The following ASH1L variants were observed in gnomAD, a reference collection of about 807,000 sequenced individuals.
ASH1L encodes the protein ASH1 like histone lysine methyltransferase, also known as histone-lysine N-methyltransferase ASH1L.
In ASH1L, 23 loss-of-function variants were observed where a neutral mutation model predicts 269.0. The observed-to-expected ratio is 0.09, with a 90% CI of 0.06 to 0.12. The LOEUF is 0.12. ASH1L is among the 10% of genes least tolerant of loss of function. ASH1L has a pLI of 1.00. For synonymous variants in ASH1L, 1,187 were observed against 1,253.5 expected (o/e 0.95, Z 1.12); for missense variants, 2,912 against 3,567.8 (o/e 0.82, Z 4.68).
At chr1:155,541,484 T>A (rs1044464577) in intron 1 of ASH1L, among the ~76,000 whole-genome samples, 1 of 152,030 alleles carries the variant, frequency 6.6e-6, no homozygotes, top group Non-Finnish European at 1.5e-5. Flanking sequence ...ATTATATAAG[T>A]CACTAAAATC....
chr1:155,421,606 G>A (rs953695574), intron 5 of ASH1L, among the ~76,000 whole-genome samples: 12 of 151,464 alleles, frequency 7.9e-5, no homozygotes, highest in African/African-American at 2.9e-4. Flanking sequence ...GGGAGGCAGA[G>A]GTTGCAGTGA....
intron 1 of ASH1L, 163 bp downstream of exon 1, chr1:155,561,990 C>T (rs1478204515): frequency 8.7e-6 from 5 of 575,826 alleles, no homozygotes; most frequent in Non-Finnish European, 1.5e-5. Flanking sequence ...AGGGACTTCC[C>T]GGTAGGCTCA....
At chr1:155,509,803 GATAATAATA>G (rs552179671) in intron 2 of ASH1L, among the ~76,000 whole-genome samples, 1 of 150,990 alleles carries the variant, frequency 6.6e-6, no homozygotes, top group Non-Finnish European at 1.5e-5. Context: ...CATCTCAAAT[GATAATAATA>G]ATAATAATAA....
At chr1:155,560,302 C>G (rs1205518640) in intron 1 of ASH1L, among the ~76,000 whole-genome samples, 1 of 152,038 alleles carries the variant, frequency 6.6e-6, no homozygotes, top group Non-Finnish European at 1.5e-5. Context: ...ATAAGTGACC[C>G]CAAAAAATTT....
chr1:155,441,301 C>T (rs1020626849), intron 4 of ASH1L, among the ~76,000 whole-genome samples: 2 of 151,694 alleles, frequency 1.3e-5, no homozygotes, highest in Non-Finnish European at 2.9e-5. Context: ...ATCTCCACCC[C>T]CCACTCCCAC....
chr1:155,359,893 T>G (rs1654788030), intron 13 of ASH1L, among the ~76,000 whole-genome samples: 1 of 152,032 alleles, frequency 6.6e-6, no homozygotes, highest in East Asian at 1.9e-4. Flanking sequence ...ATATACTTTT[T>G]TTTTTTTTGA....
chr1:155,473,649 A>G (rs1665292227), intron 3 of ASH1L, among the ~76,000 whole-genome samples: 1 of 151,976 alleles, frequency 6.6e-6, no homozygotes, highest in African/African-American at 2.4e-5. Context: ...GGCGTATGCC[A>G]TCATGCCCAG....
intron 5 of ASH1L, among the ~76,000 whole-genome samples, chr1:155,420,902 T>C (rs1660623571): frequency 1.3e-5 from 2 of 150,276 alleles, no homozygotes; most frequent in Non-Finnish European, 3.0e-5. Flanking sequence ...ACATACCATG[T>C]CCATGGATGT....
chr1:155,357,899 T>A (rs894843651), intron 13 of ASH1L, 150 bp from the exon 14 acceptor site: 2 of 700,310 alleles, frequency 2.9e-6, no homozygotes, highest in Non-Finnish European at 4.5e-6. Context: ...GCCTCCCCAG[T>A]AGCTGACATT....
At chr1:155,544,017 T>C (rs1670627194) in intron 1 of ASH1L, among the ~76,000 whole-genome samples, 1 of 152,102 alleles carries the variant, frequency 6.6e-6, no homozygotes, top group Admixed American at 6.6e-5. Flanking sequence ...ACAGGGTCTT[T>C]CGATGTCACC....
chr1:155,341,121 G>A (rs1294531923), intron 25 of ASH1L, among the ~76,000 whole-genome samples: 2 of 150,624 alleles, frequency 1.3e-5, no homozygotes, highest in East Asian at 1.9e-4. Context: ...ACAGGTGCGC[G>A]CCACCACACC....
At chr1:155,390,561 CT>C (rs1210389725) in intron 7 of ASH1L, among the ~76,000 whole-genome samples, 1 of 151,888 alleles carries the variant, frequency 6.6e-6, no homozygotes, top group African/African-American at 2.4e-5. Context: ...CTAAAGACTT[CT>C]GCAGAAAGCT....
At chr1:155,527,806 G>A (rs1404562342) in intron 1 of ASH1L, among the ~76,000 whole-genome samples, 1 of 151,986 alleles carries the variant, frequency 6.6e-6, no homozygotes, top group African/African-American at 2.4e-5. Flanking sequence ...TCAGACTCCC[G>A]AGTAGCTGGG....
At chr1:155,412,127 A>G (rs1659860680) in intron 6 of ASH1L, among the ~76,000 whole-genome samples, 1 of 151,984 alleles carries the variant, frequency 6.6e-6, no homozygotes, top group Non-Finnish European at 1.5e-5. Context: ...CTGTAGTCCC[A>G]GCTACTCAGG....
chr1:155,495,546 CATGA>C (rs377420317), intron 2 of ASH1L, among the ~76,000 whole-genome samples: 10 of 152,232 alleles, frequency 6.6e-5, no homozygotes, highest in Middle Eastern at 3.4e-3. Flanking sequence ...GGGTACTTAT[CATGA>C]ATGGAGCTTG....
chr1:155,448,786 C>T (rs917106890), intron 4 of ASH1L, among the ~76,000 whole-genome samples: 5 of 152,034 alleles, frequency 3.3e-5, no homozygotes, highest in East Asian at 1.9e-4. Context: ...TGAGCAACTG[C>T]GCCCAGCCCA....
intron 7 of ASH1L, among the ~76,000 whole-genome samples, chr1:155,383,089 T>C (rs1373399912): frequency 6.6e-6 from 1 of 152,170 alleles, no homozygotes; most frequent in Non-Finnish European, 1.5e-5. Flanking sequence ...GCTTATAAAA[T>C]AAGGACATAA....
intron 1 of ASH1L, among the ~76,000 whole-genome samples, chr1:155,525,642 G>A (rs1454301929): frequency 6.6e-6 from 1 of 151,928 alleles, no homozygotes; most frequent in Non-Finnish European, 1.5e-5. Flanking sequence ...ACCAACATTT[G>A]GGTAATGGAT....
At chr1:155,361,264 A>C (rs1161188674) in intron 12 of ASH1L, among the ~76,000 whole-genome samples, 1 of 151,924 alleles carries the variant, frequency 6.6e-6, no homozygotes, top group Non-Finnish European at 1.5e-5. Flanking sequence ...CACACCTGTA[A>C]TATCAGCACT....
Sources: gnomAD v4.1 joint callset for allele counts (sites outside exome capture counted in the v4.1 genomes callset) on GRCh38, gnomAD v4.1.1 for gene constraint, MANE v1.5 for transcripts, NCBI Gene and HGNC (gene_info 2026-07-23, HGNC 2026-07-21) for gene names.